The following MICU1 variants were observed in gnomAD, a reference collection of about 807,000 sequenced individuals.
MICU1 encodes the protein mitochondrial calcium uptake 1, also known as calcium uptake protein 1, mitochondrial.
MICU1 carries 45 observed loss-of-function variants against 56.8 expected under a neutral mutation model. The observed-to-expected ratio is 0.79, with a 90% CI of 0.62 to 1.02. MICU1 has a LOEUF of 1.02. Ranked by LOEUF, MICU1 falls within the 50% of genes least tolerant of loss-of-function variation. MICU1 has a pLI of 0.00. For missense variants in MICU1, 504 were observed against 587.1 expected (o/e 0.86, Z 1.46); for synonymous variants, 186 against 195.1 (o/e 0.95, Z 0.39).
chr10:72,430,198 C>G (rs1020821412), intron 8 of MICU1, among the ~76,000 whole-genome samples: 2 of 152,066 alleles, frequency 1.3e-5, no homozygotes, highest in Non-Finnish European at 2.9e-5. Context: ...ATCTCACTGC[C>G]TGTACTTTTT....
At chr10:72,475,942 C>G in intron 7 of MICU1, 1 of 455,434 alleles carries the variant, frequency 2.2e-6, no homozygotes. Flanking sequence ...AAAACTCTCT[C>G]ATGACCAGGT....
intron 3 of MICU1, among the ~76,000 whole-genome samples, chr10:72,555,151 T>A (rs946231799): frequency 1.3e-5 from 2 of 152,040 alleles, no homozygotes; most frequent in Non-Finnish European, 2.9e-5. Context: ...AAGCAAAAAA[T>A]TCCCCAGCAA....
intron 6 of MICU1, among the ~76,000 whole-genome samples, 200 bp downstream of exon 6, chr10:72,507,955 T>C (rs1867311435): frequency 1.3e-5 from 2 of 152,162 alleles, no homozygotes; most frequent in Non-Finnish European, 2.9e-5. Context: ...GATACTTTAG[T>C]TTTCTCTTCT....
In MICU1 at chr10:72,413,669, G is replaced by A. The variant is rs575487107; in HGVS notation, c.1072-5632C>T. Among the ~76,000 whole-genome samples the A allele has an allele frequency of 2.6e-5, 4 of 152,184 alleles. No individual in the cohort carries two copies. The South Asian group carries it at 6.2e-4, about 24-fold the overall frequency. On this transcript the variant is annotated intron_variant, in intron 9 of 11. Transcript: ENST00000361114. ...TAACTGCTTGAACCTGGGAGGCAGA[G>A]GTTCAAGTGAGCTGAGATTGTGCCA...
intron 1 of MICU1, among the ~76,000 whole-genome samples, chr10:72,595,985 C>T (rs7901370): frequency 0.023 from 2,716 of 118,992 alleles, 55 homozygotes; most frequent in African/African-American, 0.08. Context: ...AAATTTTTTT[C>T]TTTTTTTTTT....
chr10:72,597,848 C>T (rs762666368), intron 1 of MICU1, among the ~76,000 whole-genome samples: 6 of 152,084 alleles, frequency 3.9e-5, no homozygotes, highest in Admixed American at 3.3e-4. Context: ...GTGTGTTGTG[C>T]GCCTGTGTTA....
intron 1 of MICU1, among the ~76,000 whole-genome samples, chr10:72,611,867 G>A (rs898558882): frequency 3.3e-5 from 5 of 151,998 alleles, no homozygotes; most frequent in African/African-American, 9.7e-5. Flanking sequence ...TGTCCCTATA[G>A]TCTCGGCTGC....
At chr10:72,489,279 G>GT (rs376011820) in intron 6 of MICU1, among the ~76,000 whole-genome samples, 2 of 148,602 alleles carry the variant, frequency 1.3e-5, no homozygotes, top group Non-Finnish European at 3.0e-5. Flanking sequence ...GGGTGACAGA[G>GT]CGAGACTCTG....
At chr10:72,604,405 C>G (rs1168095978) in intron 1 of MICU1, among the ~76,000 whole-genome samples, 1 of 151,644 alleles carries the variant, frequency 6.6e-6, no homozygotes, top group Non-Finnish European at 1.5e-5. Flanking sequence ...TTCTGAGTAG[C>G]TGGGATTACA....
intron 5 of MICU1, among the ~76,000 whole-genome samples, chr10:72,529,947 T>C (rs886971549): frequency 4.1e-5 from 1 of 24,136 alleles, no homozygotes; most frequent in African/African-American, 1.5e-4. Flanking sequence ...GGGAAGGTGC[T>C]TTTTTTTTTT....
intron 5 of MICU1, among the ~76,000 whole-genome samples, chr10:72,521,067 A>G (rs539944681): frequency 9.2e-5 from 14 of 152,234 alleles, no homozygotes; most frequent in African/African-American, 2.4e-4. Flanking sequence ...TGTTGTTTTT[A>G]GTCACTTGGG....
intron 10 of MICU1, among the ~76,000 whole-genome samples, chr10:72,404,813 A>T (rs1263542370): frequency 1.3e-5 from 2 of 152,248 alleles, no homozygotes; most frequent in Non-Finnish European, 2.9e-5. Context: ...TCACTGATGA[A>T]TTCTATCAAA....
intron 8 of MICU1, among the ~76,000 whole-genome samples, chr10:72,432,980 T>C (rs7896850): frequency 0.62 from 94,391 of 152,082 alleles, 30,073 homozygotes; most frequent in Non-Finnish European, 0.67. Flanking sequence ...GAGTCTCACC[T>C]GGGCTGGAGT....
chr10:72,542,431 G>A (rs1030981357), intron 4 of MICU1, among the ~76,000 whole-genome samples: 3 of 152,212 alleles, frequency 2.0e-5, no homozygotes, highest in African/African-American at 7.2e-5. Context: ...CTCATGACAG[G>A]GGTGCCTTGT....
At chr10:72,370,406 C>T (rs1212529454) in intron 11 of MICU1, among the ~76,000 whole-genome samples, 4 of 152,026 alleles carry the variant, frequency 2.6e-5, no homozygotes, top group Non-Finnish European at 5.9e-5. Flanking sequence ...CTGTAGAGTA[C>T]CCAAAACCTA....
At chr10:72,470,505 A>G (rs1417674791) in intron 8 of MICU1, among the ~76,000 whole-genome samples, 1 of 152,158 alleles carries the variant, frequency 6.6e-6, no homozygotes, top group Non-Finnish European at 1.5e-5. Flanking sequence ...TGGATGGGCA[A>G]GCAAACATGT....
intron 8 of MICU1, among the ~76,000 whole-genome samples, chr10:72,442,939 T>G (rs1864986457): frequency 6.6e-6 from 1 of 152,112 alleles, no homozygotes; most frequent in Non-Finnish European, 1.5e-5. Context: ...GTATTTTTGG[T>G]AGAGATGGTG....
At chr10:72,536,048 G>A (rs1839624415) in intron 4 of MICU1, among the ~76,000 whole-genome samples, 1 of 152,086 alleles carries the variant, frequency 6.6e-6, no homozygotes, top group Non-Finnish European at 1.5e-5. Flanking sequence ...GTGTACCACA[G>A]GCTGGGAAGG....
rs771690183 is a variant in MICU1, at chr10:72,375,837, C to A, written c.1216G>T (p.Val406Leu). The A allele has an allele frequency of 6.2e-7, 1 of 1,613,390 alleles. No individual in the cohort carries two copies. Among genetic ancestry groups the A allele is most frequent in the South Asian group, 1.1e-5 (1 of 90,862 alleles). ...TCACACACGTGGTCTGAGAGCTCCA[C>A]TTTAGCCACTGTCCTGGCCACCTGC... ...MQQVARTVAKVELSDHVCDVV... is the reference protein window; with the variant it reads ...MQQVARTVAKLELSDHVCDVV... Residue 406 changes from valine (V) to leucine (L), a missense_variant, in exon 11 of 12, where the codon GTG (valine) becomes TTG (leucine). Coordinates refer to ENST00000361114, the MANE Select transcript of MICU1 (RefSeq NM_001195518.2).
Sources: gnomAD v4.1 joint callset for allele counts (sites outside exome capture counted in the v4.1 genomes callset) on GRCh38, gnomAD v4.1.1 for gene constraint, MANE v1.5 for transcripts, NCBI Gene and HGNC (gene_info 2026-07-23, HGNC 2026-07-21) for gene names.